AUH: variants seen among roughly 807,000 people sequenced by gnomAD.
AUH encodes the protein AU RNA binding methylglutaconyl-CoA hydratase.
In AUH, 29 loss-of-function variants were observed where a neutral mutation model predicts 42.3. That is an observed-to-expected ratio of 0.69 (90% confidence interval 0.51 to 0.93). The LOEUF is 0.93. Among genes scored for constraint, AUH ranks in the 40% least tolerant of loss-of-function variants. The pLI, the probability that AUH is intolerant of heterozygous loss-of-function variation, is 0.00. For synonymous variants in AUH, 174 were observed against 166.4 expected (o/e 1.05, Z -0.35); for missense variants, 452 against 438.1 (o/e 1.03, Z -0.28).
chr9:91,361,725 TACCCAGCCCTGG>T lies in AUH; in HGVS notation c.153_164del (p.Gln52_Val55del). The T allele has an allele frequency of 6.5e-7, 1 of 1,549,194 alleles. No homozygotes were observed. Among genetic ancestry groups the T allele is most frequent in the Non-Finnish European group, 8.7e-7 (1 of 1,146,814 alleles). ...TCGGGGCGGGACCCCCGGCCGCAGG[TACCCAGCCCTGG>T]GCCCAGATCGCCGGGCCCGCTCGCC... On this transcript the variant is annotated inframe_deletion, in exon 1 of 10. Transcript: ENST00000375731.
chr9:91,328,299 C>A (rs989049591), intron 3 of AUH, among the ~76,000 whole-genome samples: 22 of 152,176 alleles, frequency 1.4e-4, no homozygotes, highest in African/African-American at 5.1e-4. Flanking sequence ...TTAAAAAAAA[C>A]TCACATAGAC....
intron 1 of AUH, among the ~76,000 whole-genome samples, chr9:91,357,189 A>G (rs961191959): frequency 6.6e-6 from 1 of 152,218 alleles, no homozygotes; most frequent in African/African-American, 2.4e-5. Context: ...TCCCAATACT[A>G]CTGACAACAG....
At chr9:91,218,924 T>A (rs1826974502) in intron 7 of AUH, 2 of 985,346 alleles carry the variant, frequency 2.0e-6, no homozygotes, top group South Asian at 4.7e-5. Flanking sequence ...ACTCAACATC[T>A]TCTTATACAT....
intron 7 of AUH, 108 bp downstream of exon 7, chr9:91,220,697 G>T: frequency 8.1e-7 from 1 of 1,232,726 alleles, no homozygotes; most frequent in Non-Finnish European, 1.2e-6. Context: ...CCCTTTACTT[G>T]GAAGCAAGCC....
At chr9:91,302,181 G>C (rs1257226210) in intron 4 of AUH, among the ~76,000 whole-genome samples, 1 of 143,710 alleles carries the variant, frequency 7.0e-6, no homozygotes, top group Non-Finnish European at 1.5e-5. Flanking sequence ...TAATCAAAGA[G>C]GGGGCCGGGT....
intron 6 of AUH, among the ~76,000 whole-genome samples, chr9:91,249,369 G>C (rs1026664132): frequency 4.0e-5 from 6 of 150,408 alleles, no homozygotes; most frequent in Non-Finnish European, 7.4e-5. Context: ...GTAAGAGGGG[G>C]TTTGGGGAAC....
intron 6 of AUH, among the ~76,000 whole-genome samples, chr9:91,288,851 C>T (rs1040505881): frequency 6.6e-6 from 1 of 151,982 alleles, no homozygotes; most frequent in Non-Finnish European, 1.5e-5. Flanking sequence ...AGCAGTGGTC[C>T]ATTAATATGT....
At chr9:91,295,796 C>G (rs146658022) in intron 6 of AUH, among the ~76,000 whole-genome samples, 212 of 152,234 alleles carry the variant, frequency 1.4e-3, no homozygotes, top group African/African-American at 4.9e-3. Context: ...ACTGGGAAAC[C>G]AAAAAATTTG....
At chr9:91,337,112 G>C (rs1830752574) in intron 3 of AUH, among the ~76,000 whole-genome samples, 1 of 152,122 alleles carries the variant, frequency 6.6e-6, no homozygotes, top group Non-Finnish European at 1.5e-5. Flanking sequence ...GGCAAAATGG[G>C]ATGGTCCCTC....
chr9:91,273,730 A>G (rs1825337237), intron 6 of AUH, among the ~76,000 whole-genome samples: 1 of 152,178 alleles, frequency 6.6e-6, no homozygotes, highest in Admixed American at 6.5e-5. Context: ...AAATAATTAC[A>G]CAGTGGCCCC....
intron 8 of AUH, among the ~76,000 whole-genome samples, chr9:91,216,438 C>CGACACACA (rs1826825164): frequency 1.5e-5 from 2 of 130,766 alleles, no homozygotes; most frequent in South Asian, 5.1e-4. Flanking sequence ...CTTTATGTCG[C>CGACACACA]GACACACACA....
chr9:91,282,564 G>C (rs1016398876), intron 6 of AUH, among the ~76,000 whole-genome samples: 1 of 152,146 alleles, frequency 6.6e-6, no homozygotes, highest in Non-Finnish European at 1.5e-5. Context: ...AGCAGTGGTA[G>C]GAGCTGAGGT....
At chr9:91,286,465 T>C (rs971681948) in intron 6 of AUH, among the ~76,000 whole-genome samples, 3 of 152,204 alleles carry the variant, frequency 2.0e-5, no homozygotes, top group African/African-American at 7.2e-5. Context: ...TTACTATAGC[T>C]TCTTTTCCTG....
chr9:91,265,568 T>G (rs912800476), intron 6 of AUH, among the ~76,000 whole-genome samples: 2 of 152,190 alleles, frequency 1.3e-5, no homozygotes, highest in African/African-American at 4.8e-5. Context: ...TTGGCATATT[T>G]TGGGGGAGGG....
intron 6 of AUH, among the ~76,000 whole-genome samples, chr9:91,227,956 AG>A (rs1827618462): frequency 1.3e-5 from 2 of 152,234 alleles, no homozygotes; most frequent in South Asian, 4.1e-4. Flanking sequence ...TTGGTTTGCC[AG>A]TATTTTATTG....
At chr9:91,240,488 C>T (rs1461691750) in intron 6 of AUH, among the ~76,000 whole-genome samples, 3 of 152,080 alleles carry the variant, frequency 2.0e-5, no homozygotes, top group Non-Finnish European at 2.9e-5. Context: ...AATGGCTGGG[C>T]TAGTAAATTG....
At chr9:91,226,325 G>A (rs1399568020) in intron 6 of AUH, among the ~76,000 whole-genome samples, 2 of 146,678 alleles carry the variant, frequency 1.4e-5, no homozygotes, top group African/African-American at 4.9e-5. Context: ...TTTTTCATGT[G>A]TTTTTTGGCT....
At chr9:91,309,695 A>T (rs920526261) in intron 4 of AUH, among the ~76,000 whole-genome samples, 1 of 152,180 alleles carries the variant, frequency 6.6e-6, no homozygotes, top group Non-Finnish European at 1.5e-5. Flanking sequence ...GAGAGGTGAA[A>T]AATTACTGAT....
At chr9:91,266,382 TAAATAAATAA>T (rs886919281) in intron 6 of AUH, among the ~76,000 whole-genome samples, 2 of 150,768 alleles carry the variant, frequency 1.3e-5, no homozygotes, top group African/African-American at 4.9e-5. Flanking sequence ...AATAAATAAA[TAAATAAATAA>T]AAATAAAAAA....
Sources: gnomAD v4.1 joint callset for allele counts (sites outside exome capture counted in the v4.1 genomes callset) on GRCh38, gnomAD v4.1.1 for gene constraint, MANE v1.5 for transcripts, NCBI Gene and HGNC (gene_info 2026-07-23, HGNC 2026-07-21) for gene names.